The following AGAP1 variants were observed in gnomAD, a reference collection of about 807,000 sequenced individuals.
The protein encoded by AGAP1 is ArfGAP with GTPase domain, ankyrin repeat and PH domain 1.
A neutral mutation model predicts 105.3 loss-of-function variants in AGAP1; 29 were observed. The ratio of observed to expected loss-of-function variants is 0.28; its 90% CI spans 0.21 to 0.38. The LOEUF is 0.38. Ranked by LOEUF, AGAP1 falls within the 10% of genes least tolerant of loss-of-function variation. The probability of loss-of-function intolerance (pLI) is 1.00; values close to 1 mark genes in which losing one functional copy is unlikely to be tolerated. For synonymous variants in AGAP1, 509 were observed against 485.9 expected (o/e 1.05, Z -0.63); for missense variants, 998 against 1,165.1 (o/e 0.86, Z 2.09).
chr2:235,775,264 G>A lies in AGAP1; in HGVS notation c.674-22495G>A, dbSNP rs144326418. 5.8e-4 allele frequency among the ~76,000 whole-genome samples: 88 copies of A among 152,260 alleles called. 1 individual carries two copies. The highest frequency in any genetic ancestry group is 2.1e-3 in the African/African-American group (86 of 41,552). ...TTGGCACAGGATTTTGTCATGGGGT[G>A]TGTCACCCTCAACGAAAGGAGGTTT... On this transcript the variant is annotated intron_variant, in intron 6 of 17. Coordinates refer to ENST00000304032, the MANE Select transcript of AGAP1 (RefSeq NM_001037131.3).
intron 13 of AGAP1, among the ~76,000 whole-genome samples, chr2:235,984,010 A>G (rs559164585): frequency 6.6e-6 from 1 of 152,296 alleles, no homozygotes; most frequent in East Asian, 1.9e-4. Context: ...CATTCCCAAA[A>G]CATTTTCTTC....
chr2:235,571,472 G>A (rs577718500), intron 1 of AGAP1, among the ~76,000 whole-genome samples: 1 of 152,226 alleles, frequency 6.6e-6, no homozygotes, highest in African/African-American at 2.4e-5. Flanking sequence ...GCTGATGGCT[G>A]CCTTATTGGA....
intron 1 of AGAP1, among the ~76,000 whole-genome samples, chr2:235,573,046 TTC>T (rs1159885669): frequency 0.026 from 466 of 17,984 alleles, 17 homozygotes; most frequent in African/African-American, 0.073. Context: ...CTTCTTCTTC[TTC>T]TTCTTCTTCT....
At chr2:235,758,855 C>A (rs530675749) in intron 6 of AGAP1, among the ~76,000 whole-genome samples, 1 of 152,304 alleles carries the variant, frequency 6.6e-6, no homozygotes, top group South Asian at 2.1e-4. Context: ...TGCAGTGACA[C>A]AATCTTGGTT....
rs981943586 is a variant in AGAP1, at chr2:236,042,979, G to A, written c.1891+2138G>A. Among the ~76,000 whole-genome samples the A allele has an allele frequency of 2.6e-5, 4 of 152,332 alleles. No individual in the cohort carries two copies. The highest frequency in any genetic ancestry group is 2.9e-5 in the Non-Finnish European group (2 of 68,038). On this transcript the variant is annotated intron_variant, in intron 15 of 17. Transcript: ENST00000304032. This position sits in a 1 kb window ranked among gnomAD's most constrained non-coding sequence, Gnocchi z 5.6. ...AAGGGGAGGAATTGAGGAGCCTGAA[G>A]GGTCAAGTCATTTGTCTGAGGTCAC...
chr2:235,671,719 G>A (rs1948442207), intron 1 of AGAP1, among the ~76,000 whole-genome samples: 1 of 152,138 alleles, frequency 6.6e-6, no homozygotes, highest in Non-Finnish European at 1.5e-5. Context: ...TCATAATGTA[G>A]GCTAGCAAAA....
Position 236,114,490 on chromosome 2 carries a change from G to A in AGAP1, c.2115-5702G>A, listed in dbSNP as rs2059722546. ...GCTGCCAAAATAAAGTATTACACTT[G>A]GGTGGCTTAAGTGCGGGACATTCAC... On this transcript the variant is annotated intron_variant, in intron 16 of 17. Coordinates refer to ENST00000304032, the MANE Select transcript of AGAP1 (RefSeq NM_001037131.3). The surrounding 1 kb of genome is among the most constrained non-coding windows in gnomAD (Gnocchi z 5.0). Among the ~76,000 whole-genome samples the A allele has an allele frequency of 6.6e-6, 1 of 152,206 alleles. No homozygotes were observed. Among genetic ancestry groups the A allele is most frequent in the African/African-American group, 2.4e-5 (1 of 41,458 alleles).
rs1447424795 is a variant in AGAP1 at position 235,958,870 on chromosome 2, T to G, written c.1484-9592T>G. On this transcript the variant is annotated intron_variant, in intron 12 of 17. Coordinates refer to ENST00000304032, the MANE Select transcript of AGAP1 (RefSeq NM_001037131.3). The surrounding 1 kb of genome is among the most constrained non-coding windows in gnomAD (Gnocchi z 4.1). ...TCTCCGAGTGAAAAGTGAAACTGCT[T>G]CTTTGACTCATACTTCACGTTCCGA... 6.6e-6 allele frequency among the ~76,000 whole-genome samples: 1 copy of G among 152,204 alleles called. No homozygotes were observed. The highest frequency in any genetic ancestry group is 1.5e-5 in the Non-Finnish European group (1 of 68,036).
chr2:235,910,982 C>G (rs996327626), intron 11 of AGAP1, among the ~76,000 whole-genome samples: 2 of 152,078 alleles, frequency 1.3e-5, no homozygotes, highest in Non-Finnish European at 2.9e-5. Flanking sequence ...ATACGGAGTC[C>G]CTAACCTCTA....
At chr2:235,829,212 C>A (rs116371432) in intron 9 of AGAP1, among the ~76,000 whole-genome samples, 1 of 152,218 alleles carries the variant, frequency 6.6e-6, no homozygotes. Flanking sequence ...CCCCTGGCCC[C>A]TGGCCTTGTT....
chr2:235,727,009 C>T lies in AGAP1; in HGVS notation c.310+9365C>T, dbSNP rs371527277. Among the ~76,000 whole-genome samples the T allele has an allele frequency of 8.5e-4, 130 of 152,240 alleles. 2 individuals carry two copies. The East Asian group carries it at 0.02, about 23-fold the overall frequency. On this transcript the variant is annotated intron_variant, in intron 3 of 17. Transcript: ENST00000304032. ...GGTAGCAAGCCCTTCATGGTGGTTT[C>T]GGTCCTTAGTGCTCAGATGTGGTGA...
intron 1 of AGAP1, among the ~76,000 whole-genome samples, chr2:235,528,363 C>T (rs1172571548): frequency 6.7e-6 from 1 of 149,426 alleles, no homozygotes; most frequent in African/African-American, 2.5e-5. Context: ...CCCCCTCCCC[C>T]GCCCCCTCCC....
At chr2:235,974,471 C>T (rs2054777675) in intron 13 of AGAP1, among the ~76,000 whole-genome samples, 1 of 152,188 alleles carries the variant, frequency 6.6e-6, no homozygotes, top group South Asian at 2.1e-4. Context: ...TGGTGTTATC[C>T]CCCCCTTGGG....
At chr2:235,952,601 G>GT (rs200326641) in intron 12 of AGAP1, among the ~76,000 whole-genome samples, 51 of 151,498 alleles carry the variant, frequency 3.4e-4, no homozygotes, top group South Asian at 2.5e-3. Context: ...TTTTATCTGT[G>GT]TTTTTTTTTA....
At chr2:235,524,749 C>G (rs1305149638) in intron 1 of AGAP1, among the ~76,000 whole-genome samples, 2 of 152,154 alleles carry the variant, frequency 1.3e-5, no homozygotes, top group African/African-American at 2.4e-5. Context: ...GGACCTCGTC[C>G]CTTTCTTTTA....
chr2:235,730,889 TC>T (rs1403874601), intron 3 of AGAP1, among the ~76,000 whole-genome samples: 3 of 152,134 alleles, frequency 2.0e-5, no homozygotes, highest in Non-Finnish European at 1.5e-5. Context: ...ACTATTTTTT[TC>T]TTCAGAGTGG....
At position 235,728,326 on chromosome 2, in the gene AGAP1, T is replaced by TGTGTGTGTGTGTGTGTGTGTGTGTGC. The variant is rs986896995; in HGVS notation, c.310+10683_310+10684insTGTGTGTGTGTGTGTGTGTGTGTGCG. Among the ~76,000 whole-genome samples the TGTGTGTGTGTGTGTGTGTGTGTGTGC allele has an allele frequency of 4.5e-3, 688 of 151,674 alleles. 11 individuals carry two copies. Among genetic ancestry groups the TGTGTGTGTGTGTGTGTGTGTGTGTGC allele is most frequent in the African/African-American group, 0.016 (655 of 41,136 alleles). On this transcript the variant is annotated intron_variant, in intron 3 of 17. Coordinates refer to ENST00000304032, the MANE Select transcript of AGAP1 (RefSeq NM_001037131.3). The surrounding 1 kb of genome is among the most constrained non-coding windows in gnomAD (Gnocchi z 4.3). ...CTGTGTGTGTGTGTGTGTGTGTGTG[T>TGTGTGTGTGTGTGTGTGTGTGTGTGC]GCGTGCTCTTAAATCAATGTAAATT...
Position 235,549,347 on chromosome 2 carries a change from C to T in AGAP1, c.163+54498C>T, listed in dbSNP as rs924895041. ...GCCAGCTCTCACCTGGGAAGGTCAG[C>T]GTGCAGGGTTGCAGACTGCTTAAGC... is the stretch of plus-strand genomic sequence containing the variant. On this transcript the variant is annotated intron_variant, in intron 1 of 17. Coordinates refer to ENST00000304032, the MANE Select transcript of AGAP1 (RefSeq NM_001037131.3). This position sits in a 1 kb window ranked among gnomAD's most constrained non-coding sequence, Gnocchi z 4.2. Among the ~76,000 whole-genome samples the T allele has an allele frequency of 1.3e-4, 20 of 152,144 alleles. No homozygotes were observed. Among genetic ancestry groups the T allele is most frequent in the Non-Finnish European group, 2.2e-4 (15 of 68,028 alleles).
In AGAP1 at chr2:236,106,600, G is replaced by A. The variant is rs539434388; in HGVS notation, c.2115-13592G>A. Among the ~76,000 whole-genome samples the A allele has an allele frequency of 9.8e-5, 15 of 152,342 alleles. 1 individual carries two copies. The South Asian group carries it at 2.1e-3, about 21-fold the overall frequency. Reference sequence around the variant, plus strand: ...GGATTCCAGGAACCCGAGAATTCACGTAAGCCAATTCTTTCATTCTGGGCT... The same window carrying A: ...GGATTCCAGGAACCCGAGAATTCACATAAGCCAATTCTTTCATTCTGGGCT... On this transcript the variant is annotated intron_variant, in intron 16 of 17. Transcript: ENST00000304032.
Sources: gnomAD v4.1 joint callset for allele counts (sites outside exome capture counted in the v4.1 genomes callset) on GRCh38, gnomAD v4.1.1 for gene constraint, Gnocchi (gnomAD v3.1) non-coding constraint, MANE v1.5 for transcripts, NCBI Gene and HGNC (gene_info 2026-07-23, HGNC 2026-07-21) for gene names.